Variants in KCNK13 observed in about 807,000 individuals in gnomAD.
KCNK13 encodes potassium two pore domain channel subfamily K member 13.
In KCNK13, 12 loss-of-function variants were observed where a neutral mutation model predicts 23.4. The observed-to-expected ratio is 0.51, with a 90% CI of 0.33 to 0.83. KCNK13 has a LOEUF of 0.83. Among genes scored for constraint, KCNK13 ranks in the 40% least tolerant of loss-of-function variants. The probability of loss-of-function intolerance (pLI) is 0.02; values close to 1 mark genes in which losing one functional copy is unlikely to be tolerated. For synonymous variants in KCNK13, 231 were observed against 229.5 expected (o/e 1.01, Z -0.06); for missense variants, 463 against 556.3 (o/e 0.83, Z 1.69).
intron 1 of KCNK13, among the ~76,000 whole-genome samples, chr14:90,106,141 G>A (rs184520021): frequency 6.6e-6 from 1 of 152,294 alleles, no homozygotes; most frequent in Non-Finnish European, 1.5e-5. Flanking sequence ...TATAATACCT[G>A]CTAACTCCCT....
intron 1 of KCNK13, among the ~76,000 whole-genome samples, chr14:90,140,251 A>G (rs960313989): frequency 6.6e-6 from 1 of 152,160 alleles, no homozygotes; most frequent in African/African-American, 2.4e-5. Flanking sequence ...GGCTCCTTAA[A>G]TTCAAGAGGT....
At chr14:90,105,086 G>T (rs1889528797) in intron 1 of KCNK13, among the ~76,000 whole-genome samples, 2 of 151,922 alleles carry the variant, frequency 1.3e-5, no homozygotes, top group African/African-American at 4.8e-5. Flanking sequence ...CACCAGCCAG[G>T]ATCAGCTACT....
At chr14:90,071,545 C>A (rs1430790093) in intron 1 of KCNK13, among the ~76,000 whole-genome samples, 1 of 152,160 alleles carries the variant, frequency 6.6e-6, no homozygotes, top group African/African-American at 2.4e-5. Context: ...ACTTCTGCAA[C>A]ATCATTTAGC....
At chr14:90,140,594 TC>T (rs1319298469) in intron 1 of KCNK13, among the ~76,000 whole-genome samples, 1 of 152,176 alleles carries the variant, frequency 6.6e-6, no homozygotes. Context: ...GAAACCCATT[TC>T]ATTTTAATGT....
At chr14:90,089,347 G>A (rs772381990) in intron 1 of KCNK13, among the ~76,000 whole-genome samples, 1 of 152,224 alleles carries the variant, frequency 6.6e-6, no homozygotes, top group Non-Finnish European at 1.5e-5. Context: ...AGAGACTCAA[G>A]GCATTTTGCC....
chr14:90,130,002 C>T (rs1442642586), intron 1 of KCNK13, among the ~76,000 whole-genome samples: 1 of 151,912 alleles, frequency 6.6e-6, no homozygotes, highest in Non-Finnish European at 1.5e-5. Context: ...ACATGTTAGC[C>T]GAGACCATCA....
Position 90,106,391 on chromosome 14 carries a change from A to G in KCNK13, c.334+43852A>G, listed in dbSNP as rs566606496. 1.2e-4 allele frequency among the ~76,000 whole-genome samples: 19 copies of G among 152,116 alleles called. No individual in the cohort carries two copies. In the South Asian group the frequency reaches 3.5e-3, roughly 28 times the overall value. ...GGAGTTCGAGACCAGCCTGGCCAAC[A>G]TGGTGAAACCCTGTCTCTACTAAAA... On this transcript the variant is annotated intron_variant, in intron 1 of 1. Transcript: ENST00000282146.
At chr14:90,165,351 G>C (rs1322703951) in intron 1 of KCNK13, among the ~76,000 whole-genome samples, 1 of 152,084 alleles carries the variant, frequency 6.6e-6, no homozygotes, top group East Asian at 1.9e-4. Context: ...ATCTTCTTCT[G>C]CTTTTTACAC....
chr14:90,105,853 A>G (rs1175133816), intron 1 of KCNK13, among the ~76,000 whole-genome samples: 1 of 152,224 alleles, frequency 6.6e-6, no homozygotes, highest in African/African-American at 2.4e-5. Context: ...TGTGCTTCCT[A>G]GTAAGACGGC....
At chr14:90,142,392 C>T (rs1381812117) in intron 1 of KCNK13, among the ~76,000 whole-genome samples, 1 of 137,752 alleles carries the variant, frequency 7.3e-6, no homozygotes, top group African/African-American at 2.8e-5. Flanking sequence ...GATCTCGGCT[C>T]ACTGCAAGCT....
chr14:90,177,514 A>G (rs543192045), intron 1 of KCNK13, among the ~76,000 whole-genome samples: 1 of 152,226 alleles, frequency 6.6e-6, no homozygotes, highest in Non-Finnish European at 1.5e-5. Context: ...AATCCTGACC[A>G]GAGGAATCTT....
At chr14:90,082,886 T>C (rs1296544484) in intron 1 of KCNK13, among the ~76,000 whole-genome samples, 1 of 152,206 alleles carries the variant, frequency 6.6e-6, no homozygotes, top group African/African-American at 2.4e-5. Context: ...GGCTATAACA[T>C]TGTATATTCC....
intron 1 of KCNK13, among the ~76,000 whole-genome samples, chr14:90,085,667 A>AAT (rs1273568222): frequency 4.3e-5 from 6 of 141,144 alleles, no homozygotes; most frequent in Non-Finnish European, 6.0e-5. Context: ...CTCAAAAAAA[A>AAT]ATATATATAT....
At chr14:90,132,543 CAAAAAAAA>C (rs397853239) in intron 1 of KCNK13, among the ~76,000 whole-genome samples, 74 of 83,992 alleles carry the variant, frequency 8.8e-4, no homozygotes, top group African/African-American at 3.0e-3. Flanking sequence ...GACTCTGTCT[CAAAAAAAA>C]AAAAAAAAGA....
rs1243224567 is a variant in KCNK13, at chr14:90,184,773, G to T, written c.997G>T (p.Ala333Ser). Residue 333 changes from alanine (A) to serine (S), a missense_variant, in exon 2 of 2, where the codon GCA (alanine) becomes TCA (serine). Ala to Ser is a moderately conservative substitution (Grantham distance 99, BLOSUM62 1). This residue lies in a region of KCNK13 where 166 missense variants were observed against 178.8 expected (regional missense o/e 0.93). Coordinates refer to ENST00000282146, the MANE Select transcript of KCNK13 (RefSeq NM_022054.4). This position sits in a 1 kb window ranked among gnomAD's most constrained non-coding sequence, Gnocchi z 5.6. The part of the protein sequence containing the change: ...CNISIETDGV[A>S]ESDTDGRRLS... ...CATCTCCATAGAGACAGACGGGGTG[G>T]CAGAGAGTGACACGGACGGGCGCCG... is the stretch of plus-strand genomic sequence containing the variant. 5 of 1,613,306 alleles carry T rather than the reference G, an allele frequency of 3.1e-6. No individual in the cohort carries two copies. The highest frequency in any genetic ancestry group is 1.6e-4 in the Middle Eastern group (1 of 6,084).
rs1467708540 is a variant in KCNK13, at chr14:90,080,815, T to TA, written c.334+18284dup. ...GCTAACCGGCCCATGTCCATTCCCTTAAAAAAAATCTGTGACCCTGGAGCA... is the reference window on the plus strand; with the variant it reads ...GCTAACCGGCCCATGTCCATTCCCTTAAAAAAAAATCTGTGACCCTGGAGCA... On this transcript the variant is annotated intron_variant, in intron 1 of 1. Coordinates refer to ENST00000282146, the MANE Select transcript of KCNK13 (RefSeq NM_022054.4). Among the ~76,000 whole-genome samples the TA allele has an allele frequency of 3.3e-5, 5 of 151,940 alleles. 1 individual carries two copies. Among genetic ancestry groups the TA allele is most frequent in the East Asian group, 3.9e-4 (2 of 5,174 alleles).
chr14:90,102,688 G>C (rs1227298993), intron 1 of KCNK13, among the ~76,000 whole-genome samples: 1 of 152,192 alleles, frequency 6.6e-6, no homozygotes, highest in Non-Finnish European at 1.5e-5. Flanking sequence ...TGCTGTCTCA[G>C]ATGTTAACAC....
At chr14:90,148,817 G>A (rs1890102703) in intron 1 of KCNK13, among the ~76,000 whole-genome samples, 1 of 152,202 alleles carries the variant, frequency 6.6e-6, no homozygotes, top group Non-Finnish European at 1.5e-5. Context: ...CTTGTGAGAT[G>A]CTGGACAGAC....
chr14:90,072,379 G>A (rs1801615844), intron 1 of KCNK13, among the ~76,000 whole-genome samples: 1 of 152,308 alleles, frequency 6.6e-6, no homozygotes, highest in African/African-American at 2.4e-5. Flanking sequence ...GGACATTAGG[G>A]AGCAGTAGGG....
Sources: allele counts gnomAD v4.1 joint callset (sites outside exome capture counted in the v4.1 genomes callset), GRCh38; gene constraint gnomAD v4.1.1; regional missense constraint gnomAD v4.1.1; non-coding constraint Gnocchi (gnomAD v3.1); transcripts MANE v1.5; gene names NCBI Gene and HGNC (gene_info 2026-07-23, HGNC 2026-07-21).